The following MYO3B variants were observed in gnomAD, a reference collection of about 807,000 sequenced individuals.
MYO3B encodes the protein myosin IIIB, also known as myosin-IIIb.
A neutral mutation model predicts 174.6 loss-of-function variants in MYO3B; 156 were observed. That is an observed-to-expected ratio of 0.89 (90% CI 0.78 to 1.02). The LOEUF (loss-of-function observed/expected upper bound fraction) is 1.02. Ranked by LOEUF, MYO3B falls within the 50% of genes least tolerant of loss-of-function variation. MYO3B has a pLI of 0.00. For missense variants in MYO3B, 1,632 were observed against 1,639.4 expected (o/e 1.00, Z 0.08); for synonymous variants, 563 against 569.1 (o/e 0.99, Z 0.15).
intron 14 of MYO3B, among the ~76,000 whole-genome samples, chr2:170,390,800 C>T (rs2105764501): frequency 6.6e-6 from 1 of 152,314 alleles, no homozygotes; most frequent in South Asian, 2.1e-4. Context: ...TGAACTAATA[C>T]CTTTGTAAAA....
At chr2:170,405,749 C>T in intron 21 of MYO3B, 116 bp downstream of exon 21, 3 of 795,142 alleles carry the variant, frequency 3.8e-6, no homozygotes, top group Non-Finnish European at 6.0e-6. Flanking sequence ...TTTAATTCTT[C>T]CTGAATACCT....
rs10668466 is a variant in MYO3B at position 170,408,760 on chromosome 2, GA to G, written c.2650+928del. ...GCAGAGGAATGAAAAGCCTGGCTAA[GA>G]AAAAAAAAAAAGCCACAGTCTACAG... is the stretch of plus-strand genomic sequence containing the variant. On this transcript the variant is annotated intron_variant, in intron 22 of 34. Coordinates refer to ENST00000408978, the MANE Select transcript of MYO3B (RefSeq NM_138995.5). Among the ~76,000 whole-genome samples the G allele has an allele frequency of 2.3e-3, 335 of 144,574 alleles. 2 individuals carry two copies. The highest frequency in any genetic ancestry group is 8.1e-3 in the African/African-American group (322 of 39,544). The allele number at this position is 144,574 out of a possible 152,430, so 94.8% of individuals were successfully genotyped here.
intron 25 of MYO3B, among the ~76,000 whole-genome samples, chr2:170,490,401 A>G (rs1686393011): frequency 6.6e-6 from 1 of 152,204 alleles, no homozygotes; most frequent in South Asian, 2.1e-4. Flanking sequence ...TCTTTATCCT[A>G]AAGCCTTGCT....
intron 32 of MYO3B, among the ~76,000 whole-genome samples, chr2:170,628,041 CTG>C (rs1440280634): frequency 1.3e-5 from 2 of 152,202 alleles, no homozygotes; most frequent in African/African-American, 4.8e-5. Context: ...ATCTCAAACT[CTG>C]TGCTGGGAGA....
intron 8 of MYO3B, among the ~76,000 whole-genome samples, chr2:170,342,846 G>A (rs1293378653): frequency 2.0e-5 from 3 of 152,022 alleles, no homozygotes; most frequent in East Asian, 1.9e-4. Flanking sequence ...CAGAGTTCAC[G>A]CTCAACCAGC....
chr2:170,549,359 A>G (rs950883639), intron 32 of MYO3B, among the ~76,000 whole-genome samples: 3 of 152,100 alleles, frequency 2.0e-5, no homozygotes, highest in African/African-American at 7.2e-5. Flanking sequence ...GGCAAAGCAC[A>G]CTGTTGGGAT....
intron 32 of MYO3B, among the ~76,000 whole-genome samples, chr2:170,600,379 G>A (rs1297918317): frequency 6.6e-6 from 1 of 152,042 alleles, no homozygotes; most frequent in African/African-American, 2.4e-5. Context: ...AAACTGCTAG[G>A]CAGATAAACG....
intron 25 of MYO3B, among the ~76,000 whole-genome samples, chr2:170,477,457 T>C (rs1685386275): frequency 6.6e-6 from 1 of 152,090 alleles, no homozygotes; most frequent in Admixed American, 6.6e-5. Flanking sequence ...ACTTTACTCA[T>C]TTTTTTATCC....
chr2:170,593,124 G>A lies in MYO3B; in HGVS notation c.3733+49136G>A, dbSNP rs185137576. 1.1e-3 allele frequency among the ~76,000 whole-genome samples: 170 copies of A among 152,228 alleles called. 1 individual carries two copies. The Middle Eastern group carries it at 0.014, about 12-fold the overall frequency. On this transcript the variant is annotated intron_variant, in intron 32 of 34. Coordinates refer to ENST00000408978, the MANE Select transcript of MYO3B (RefSeq NM_138995.5). Reference sequence around the variant, plus strand: ...AGAAAGAGAGAGAGAGAGTGAGCCAGTCTTGCTCTGTTGCCCAGGGTGGAG... The same window carrying A: ...AGAAAGAGAGAGAGAGAGTGAGCCAATCTTGCTCTGTTGCCCAGGGTGGAG...
In MYO3B at chr2:170,514,781, A is replaced by C. The variant is rs1254475327; in HGVS notation, c.3371-140A>C. The C allele has an allele frequency of 4.8e-6, 3 of 628,790 alleles. No homozygotes were observed. The African/African-American group carries it at 5.5e-5, about 12-fold the overall frequency. 39.0% of individuals were successfully genotyped at this position (628,790 alleles called of 1,614,324 possible). A position where few individuals can be genotyped will look rare whatever the true frequency, so the allele number is the denominator to read the frequency against. ...AATCTTAAAAATAAGCACCAAGTTCATAAGTGAGATTAGTCACCTTGGTGC... is the reference window on the plus strand; with the variant it reads ...AATCTTAAAAATAAGCACCAAGTTCCTAAGTGAGATTAGTCACCTTGGTGC... On this transcript the variant is annotated intron_variant, in intron 28 of 34. Transcript: ENST00000408978.
intron 7 of MYO3B, among the ~76,000 whole-genome samples, chr2:170,299,364 A>G (rs1376619822): frequency 6.6e-6 from 1 of 152,192 alleles, no homozygotes; most frequent in East Asian, 1.9e-4. Flanking sequence ...TGCTCCCTGG[A>G]CATTGCCACT....
intron 16 of MYO3B, among the ~76,000 whole-genome samples, chr2:170,394,230 G>C (rs1168259074): frequency 1.3e-5 from 2 of 152,158 alleles, no homozygotes; most frequent in African/African-American, 4.8e-5. Context: ...ATACCCTACT[G>C]CTCAAGGTCA....
intron 32 of MYO3B, among the ~76,000 whole-genome samples, chr2:170,622,786 T>TTGTTCAGTTC (rs1553540168): frequency 5.5e-5 from 8 of 145,658 alleles, no homozygotes; most frequent in Non-Finnish European, 9.0e-5. Flanking sequence ...GGTGTTCTCA[T>TTGTTCAGTTC]TGTTCAATTC....
Position 170,564,562 on chromosome 2 carries a change from G to A in MYO3B, c.3733+20574G>A, listed in dbSNP as rs184320007. Among the ~76,000 whole-genome samples, 6 of 152,270 alleles carry A rather than the reference G, an allele frequency of 3.9e-5. No individual in the cohort carries two copies. The East Asian group carries it at 1.2e-3, about 29-fold the overall frequency. On this transcript the variant is annotated intron_variant, in intron 32 of 34. Transcript: ENST00000408978. Reference sequence around the variant, plus strand: ...TGCAAATAAAATGAAGTTATTTCTGGTATTCCAGAAATAAGAGAAATGGAA... The same window carrying A: ...TGCAAATAAAATGAAGTTATTTCTGATATTCCAGAAATAAGAGAAATGGAA...
At chr2:170,432,665 C>T (rs1316285247) in intron 22 of MYO3B, among the ~76,000 whole-genome samples, 2 of 151,688 alleles carry the variant, frequency 1.3e-5, no homozygotes, top group Admixed American at 6.6e-5. Context: ...CAAGCTCCGC[C>T]TCCCGGGTTC....
At chr2:170,365,544 A>G (rs1025494608) in intron 8 of MYO3B, among the ~76,000 whole-genome samples, 1 of 152,170 alleles carries the variant, frequency 6.6e-6, no homozygotes, top group Non-Finnish European at 1.5e-5. Context: ...AGGACTTTCT[A>G]TCTGCTCTTA....
chr2:170,367,295 T>C (rs1291746874), intron 8 of MYO3B, among the ~76,000 whole-genome samples: 1 of 152,244 alleles, frequency 6.6e-6, no homozygotes, highest in Non-Finnish European at 1.5e-5. Flanking sequence ...ATGAATATTA[T>C]GTGAGGAAAC....
chr2:170,501,068 T>G (rs76653191), intron 27 of MYO3B, among the ~76,000 whole-genome samples: 1,833 of 137,002 alleles, frequency 0.013, 33 homozygotes, highest in African/African-American at 0.046. Flanking sequence ...ACTTCGAGAG[T>G]TGTGATGCTG....
At chr2:170,491,767 T>G (rs1014559656) in intron 25 of MYO3B, among the ~76,000 whole-genome samples, 3 of 152,092 alleles carry the variant, frequency 2.0e-5, no homozygotes, top group Non-Finnish European at 4.4e-5. Context: ...TGAAACAGAG[T>G]AGGGTATATC....
Sources: gnomAD v4.1 joint callset for allele counts (sites outside exome capture counted in the v4.1 genomes callset) on GRCh38, gnomAD v4.1.1 for gene constraint, MANE v1.5 for transcripts, NCBI Gene and HGNC (gene_info 2026-07-23, HGNC 2026-07-21) for gene names.